CHODL: variants seen among roughly 807,000 people sequenced by gnomAD.
The protein encoded by CHODL is chondrolectin.
A neutral mutation model predicts 34.5 loss-of-function variants in CHODL; 29 were observed. That is an observed-to-expected ratio of 0.84 (90% confidence interval 0.63 to 1.15). The LOEUF (loss-of-function observed/expected upper bound fraction) is 1.15. CHODL is among the 50% of genes most tolerant of loss of function. CHODL has a pLI of 0.00. For missense variants in CHODL, 332 were observed against 332.5 expected, an observed-to-expected ratio of 1.00 and a Z score of 0.01; for synonymous variants, 125 against 116.1, an observed-to-expected ratio of 1.08 and a Z score of -0.49.
At chr21:18,252,485 A>T (rs2074269821) in intron 1 of CHODL, among the ~76,000 whole-genome samples, 1 of 152,088 alleles carries the variant, frequency 6.6e-6, no homozygotes, top group Non-Finnish European at 1.5e-5. Context: ...CAGCTGTTGG[A>T]GTTTCACTGC....
chr21:17,932,390 A>T (rs867402392), intron 1 of CHODL, among the ~76,000 whole-genome samples: 45 of 152,224 alleles, frequency 3.0e-4, no homozygotes, highest in African/African-American at 8.2e-4. Flanking sequence ...TGTGGAAGAC[A>T]GGATGGGTAT....
chr21:18,219,659 T>C (rs183180932), intron 2 of CHODL, among the ~76,000 whole-genome samples: 1 of 152,314 alleles, frequency 6.6e-6, no homozygotes, highest in African/African-American at 2.4e-5. Flanking sequence ...GGTGTTGATT[T>C]GTATTTCCAT....
At chr21:18,167,188 T>A (rs2073164584) in intron 2 of CHODL, among the ~76,000 whole-genome samples, 1 of 149,900 alleles carries the variant, frequency 6.7e-6, no homozygotes, top group South Asian at 2.1e-4. Context: ...AAAAGTTATT[T>A]CACCATTCCC....
chr21:18,080,009 A>T (rs1423132654), intron 2 of CHODL, among the ~76,000 whole-genome samples: 1 of 152,012 alleles, frequency 6.6e-6, no homozygotes, highest in African/African-American at 2.4e-5. Flanking sequence ...TTGTTTTCTG[A>T]CTTTTTAATG....
At chr21:18,037,780 T>C (rs2064328409) in intron 2 of CHODL, among the ~76,000 whole-genome samples, 1 of 151,760 alleles carries the variant, frequency 6.6e-6, no homozygotes, top group Non-Finnish European at 1.5e-5. Context: ...ACATAAACAT[T>C]AGAACACTTA....
chr21:18,182,862 G>A (rs1045324027), intron 2 of CHODL, among the ~76,000 whole-genome samples: 1 of 152,050 alleles, frequency 6.6e-6, no homozygotes, highest in African/African-American at 2.4e-5. Context: ...AGTATTCTGG[G>A]TGCTGCTGCC....
intron 2 of CHODL, among the ~76,000 whole-genome samples, chr21:18,170,130 A>AT (rs1255169713): frequency 6.6e-6 from 1 of 151,626 alleles, no homozygotes; most frequent in Non-Finnish European, 1.5e-5. Context: ...GTATATTTTC[A>AT]TTTTTTTATG....
chr21:18,132,538 C>T (rs2824643), intron 2 of CHODL, among the ~76,000 whole-genome samples: 25,929 of 152,026 alleles, frequency 0.17, 3,074 homozygotes, highest in East Asian at 0.5. Context: ...TAAGCAATAC[C>T]GTATGCCAGG....
intron 2 of CHODL, among the ~76,000 whole-genome samples, chr21:18,123,385 T>A (rs2065504370): frequency 6.6e-6 from 1 of 152,264 alleles, no homozygotes. Flanking sequence ...TTTCTGCTTA[T>A]TCCTAAGTAG....
intron 2 of CHODL, among the ~76,000 whole-genome samples, chr21:18,182,316 G>A (rs2146678254): frequency 6.6e-6 from 1 of 152,354 alleles, no homozygotes; most frequent in Middle Eastern, 3.4e-3. Context: ...AGTGAAGGCA[G>A]AAGTCAGGGT....
chr21:18,220,321 A>T (rs1421652430), intron 2 of CHODL, among the ~76,000 whole-genome samples: 1 of 152,168 alleles, frequency 6.6e-6, no homozygotes. Flanking sequence ...AACTATTTAC[A>T]TTCAAACTTA....
chr21:18,020,739 C>T (rs8128888), intron 1 of CHODL, among the ~76,000 whole-genome samples: 31,705 of 151,916 alleles, frequency 0.21, 3,841 homozygotes, highest in African/African-American at 0.32. Flanking sequence ...GGAGATGGGG[C>T]CTCTAAGGAA....
chr21:18,005,131 A>C (rs1388567581), intron 1 of CHODL, among the ~76,000 whole-genome samples: 2 of 152,242 alleles, frequency 1.3e-5, no homozygotes, highest in African/African-American at 2.4e-5. Context: ...ATAACAGAGT[A>C]GTTAAGAGCC....
chr21:18,014,692 C>G (rs1180286160), intron 1 of CHODL, among the ~76,000 whole-genome samples: 1 of 152,150 alleles, frequency 6.6e-6, no homozygotes, highest in East Asian at 1.9e-4. Flanking sequence ...TCTCTCGTTC[C>G]TGCTCTTGCC....
intron 2 of CHODL, among the ~76,000 whole-genome samples, chr21:18,178,221 T>C (rs1409348967): frequency 6.6e-6 from 1 of 152,214 alleles, no homozygotes; most frequent in African/African-American, 2.4e-5. Context: ...CATGAGGCTG[T>C]TTGAAAAGTC....
chr21:18,249,016 T>A (rs1401675854), intron 1 of CHODL, among the ~76,000 whole-genome samples: 28 of 94,822 alleles, frequency 3.0e-4, no homozygotes, highest in African/African-American at 1.3e-3. Flanking sequence ...ATAATATATA[T>A]TATACATAAT....
chr21:18,015,703 G>A (rs1047612609), intron 1 of CHODL, among the ~76,000 whole-genome samples: 1 of 152,310 alleles, frequency 6.6e-6, no homozygotes, highest in African/African-American at 2.4e-5. Context: ...GGACAGTGAA[G>A]TTCCAGCTGA....
intron 2 of CHODL, among the ~76,000 whole-genome samples, chr21:18,180,868 T>C (rs779018213): frequency 6.6e-6 from 1 of 152,210 alleles, no homozygotes; most frequent in Non-Finnish European, 1.5e-5. Context: ...TCAAAACTTT[T>C]TGAACTTCAA....
At chr21:18,064,014 A>T (rs1011436938) in intron 2 of CHODL, among the ~76,000 whole-genome samples, 3 of 152,148 alleles carry the variant, frequency 2.0e-5, no homozygotes, top group Admixed American at 1.3e-4. Context: ...CACCTCATAC[A>T]TCTATTCTTC....
Sources: gnomAD v4.1 joint callset for allele counts (sites outside exome capture counted in the v4.1 genomes callset) on GRCh38, gnomAD v4.1.1 for gene constraint, MANE v1.5 for transcripts, NCBI Gene and HGNC (gene_info 2026-07-23, HGNC 2026-07-21) for gene names.